The following PATJ variants were observed in gnomAD, a reference collection of about 807,000 sequenced individuals.
PATJ encodes the protein inaD-like protein.
A neutral mutation model predicts 224.9 loss-of-function variants in PATJ; 190 were observed. The observed-to-expected ratio is 0.84, with a 90% CI of 0.75 to 0.95. The LOEUF (loss-of-function observed/expected upper bound fraction) is 0.95. Ranked by LOEUF, PATJ falls within the 40% of genes least tolerant of loss-of-function variation. The pLI is 0.00. For missense variants in PATJ, 2,121 were observed against 2,270.3 expected, an observed-to-expected ratio of 0.93 and a Z score of 1.34; for synonymous variants, 769 against 820.3, an observed-to-expected ratio of 0.94 and a Z score of 1.07.
intron 33 of PATJ, among the ~76,000 whole-genome samples, 195 bp downstream of exon 33, chr1:62,084,843 C>A (rs571364267): frequency 6.6e-6 from 1 of 152,212 alleles, no homozygotes; most frequent in African/African-American, 2.4e-5. Context: ...CAGTGCTGGG[C>A]GCGGTGGCTC....
chr1:61,791,398 G>A lies in PATJ; in HGVS notation c.1119G>A (p.Gly373=). Residue 373 remains glycine (G), a synonymous_variant, in exon 9 of 44, where the codon GGG becomes GGA. Transcript: ENST00000642238. ...ATGTTGAGCTTGTGAGAAAAGATGG[G>A]CAGAGTCTTGGAATTAGAATTGTTG... ...TYNVELVRKD[G]QSLGIRIVGY... is the part of the protein sequence containing the mutation. 1 of 1,612,328 alleles carries A rather than the reference G, an allele frequency of 6.2e-7. No individual in the cohort carries two copies. Among genetic ancestry groups the A allele is most frequent in the Non-Finnish European group, 8.5e-7 (1 of 1,178,580 alleles).
At chr1:61,812,995 G>T (rs1012852797) in intron 14 of PATJ, among the ~76,000 whole-genome samples, 2 of 151,768 alleles carry the variant, frequency 1.3e-5, no homozygotes, top group African/African-American at 4.8e-5. Flanking sequence ...GCTTTTCCAG[G>T]GTTTCCTGAT....
chr1:61,825,505 G>A (rs1658084383), intron 15 of PATJ, among the ~76,000 whole-genome samples: 1 of 151,508 alleles, frequency 6.6e-6, no homozygotes, highest in Non-Finnish European at 1.5e-5. Context: ...AAAGTGTCGT[G>A]TGTGTGTGTG....
intron 1 of PATJ, among the ~76,000 whole-genome samples, chr1:61,750,435 C>CTT (rs3030066): frequency 0.33 from 40,174 of 121,012 alleles, 7,351 homozygotes; most frequent in African/African-American, 0.41. Flanking sequence ...TTTTCTGGAG[C>CTT]TTTTTTTTTT....
chr1:61,905,840 C>T (rs1463170228), intron 24 of PATJ, among the ~76,000 whole-genome samples: 6 of 152,168 alleles, frequency 3.9e-5, no homozygotes, highest in South Asian at 2.1e-4. Context: ...GTTCTCCAGT[C>T]GACACCGACT....
intron 27 of PATJ, among the ~76,000 whole-genome samples, chr1:61,930,073 T>C (rs568112924): frequency 1.4e-4 from 21 of 152,316 alleles, no homozygotes; most frequent in Non-Finnish European, 1.9e-4. Flanking sequence ...AGCTATAATA[T>C]TATACATTTC....
chr1:61,790,034 T>A, intron 8 of PATJ, among the ~76,000 whole-genome samples: 1 of 151,776 alleles, frequency 6.6e-6, no homozygotes. Context: ...GTTTAAAAGA[T>A]GAGTATTGAA....
intron 1 of PATJ, among the ~76,000 whole-genome samples, chr1:61,756,581 T>G (rs1228552070): frequency 6.8e-6 from 1 of 146,186 alleles, no homozygotes; most frequent in Non-Finnish European, 1.5e-5. Flanking sequence ...TTTTTTTTTT[T>G]TTTTTTTGGT....
intron 21 of PATJ, among the ~76,000 whole-genome samples, chr1:61,883,957 G>C (rs1346976843): frequency 7.9e-6 from 1 of 125,856 alleles, no homozygotes; most frequent in African/African-American, 3.0e-5. Context: ...AGATTTTTTA[G>C]TAATATTAAT....
At chr1:61,921,020 C>A (rs1462500016) in intron 26 of PATJ, among the ~76,000 whole-genome samples, 2 of 152,084 alleles carry the variant, frequency 1.3e-5, no homozygotes, top group African/African-American at 4.8e-5. Context: ...GTATGGAATT[C>A]TTAAGGTGCA....
In PATJ at chr1:62,162,978, C is replaced by T. The variant is rs189694918; in HGVS notation, c.*1924C>T. On this transcript the variant is annotated 3_prime_UTR_variant, in exon 44 of 44. Coordinates refer to ENST00000642238, the MANE Select transcript of PATJ (RefSeq NM_001350145.3). The stretch of plus-strand genomic sequence containing the variant: ...GAAAAAAAACCATGAAGGATGAGTA[C>T]TAGAGTCAGTAATAGAAGTAGTTCA... The T allele has an allele frequency of 7.3e-4, 277 of 379,776 alleles. 2 individuals carry two copies. The highest frequency in any genetic ancestry group is 2.2e-4 in the Non-Finnish European group (43 of 191,388). 23.5% of individuals were successfully genotyped at this position (379,776 alleles called of 1,614,324 possible).
intron 13 of PATJ, among the ~76,000 whole-genome samples, chr1:61,807,411 A>G (rs1355530045): frequency 1.3e-4 from 20 of 152,140 alleles, no homozygotes. Flanking sequence ...TCCTGGGCTC[A>G]AGTGATCCAC....
At chr1:61,853,339 A>G (rs1663134109) in intron 17 of PATJ, among the ~76,000 whole-genome samples, 1 of 152,188 alleles carries the variant, frequency 6.6e-6, no homozygotes, top group South Asian at 2.1e-4. Flanking sequence ...TGGGTTAAAA[A>G]TAATATTTTT....
intron 25 of PATJ, among the ~76,000 whole-genome samples, chr1:61,911,002 G>T (rs1398414474): frequency 6.6e-6 from 1 of 152,060 alleles, no homozygotes; most frequent in African/African-American, 2.4e-5. Context: ...TTTTTATCTA[G>T]TTTACATTAA....
chr1:61,930,253 A>C (rs995708299), intron 27 of PATJ, among the ~76,000 whole-genome samples: 3 of 152,198 alleles, frequency 2.0e-5, no homozygotes, highest in African/African-American at 7.2e-5. Context: ...TTTGTTAGAT[A>C]ATTCACATTT....
intron 30 of PATJ, among the ~76,000 whole-genome samples, chr1:62,050,729 C>G (rs1653447216): frequency 6.6e-6 from 1 of 152,082 alleles, no homozygotes; most frequent in Non-Finnish European, 1.5e-5. Flanking sequence ...ACACCTGAAA[C>G]AGAGGGTGGG....
At chr1:62,061,806 C>T (rs887017765) in intron 31 of PATJ, among the ~76,000 whole-genome samples, 1 of 151,866 alleles carries the variant, frequency 6.6e-6, no homozygotes, top group Non-Finnish European at 1.5e-5. Context: ...ACTGCAGGCA[C>T]CTGCCACCAT....
At chr1:61,826,624 GTATTAT>G (rs1346534118) in intron 15 of PATJ, among the ~76,000 whole-genome samples, 2 of 152,074 alleles carry the variant, frequency 1.3e-5, no homozygotes, top group African/African-American at 2.4e-5. Context: ...TTGGAGCCAA[GTATTAT>G]TATTATGTGC....
chr1:61,899,773 C>G, intron 23 of PATJ, 119 bp downstream of exon 23: 1 of 639,484 alleles, frequency 1.6e-6, no homozygotes, highest in Non-Finnish European at 2.6e-6. Flanking sequence ...GATAATTCAC[C>G]TGTAAGCTGG....
Sources: gnomAD v4.1 joint callset for allele counts (sites outside exome capture counted in the v4.1 genomes callset) on GRCh38, gnomAD v4.1.1 for gene constraint, MANE v1.5 for transcripts, NCBI Gene and HGNC (gene_info 2026-07-23, HGNC 2026-07-21) for gene names.